The following C16orf95 variants were observed in gnomAD, a reference collection of about 807,000 sequenced individuals.
C16orf95 encodes the protein uncharacterized protein C16orf95.
Under a neutral mutation model 32.1 loss-of-function variants are expected in C16orf95, and 41 were observed. The ratio of observed to expected loss-of-function variants is 1.28; its 90% CI spans 1.00 to 1.66. C16orf95 has a LOEUF of 1.66. Ranked by LOEUF, C16orf95 falls within the 40% of genes most tolerant of loss-of-function variation. C16orf95 has a pLI of 0.00. For synonymous variants in C16orf95, 147 were observed against 128.9 expected (o/e 1.14, Z -0.95); for missense variants, 399 against 325.9 (o/e 1.22, Z -1.73).
intron 1 of C16orf95, among the ~76,000 whole-genome samples, chr16:87,316,541 C>T (rs771013751): frequency 5.3e-5 from 8 of 152,116 alleles, no homozygotes; most frequent in Admixed American, 2.0e-4. Context: ...AATAGGTTCA[C>T]GCATCAACTC....
intron 4 of C16orf95, among the ~76,000 whole-genome samples, chr16:87,310,889 C>A (rs1911252389): frequency 6.6e-6 from 1 of 152,146 alleles, no homozygotes; most frequent in African/African-American, 2.4e-5. Flanking sequence ...CCAGAACAAT[C>A]ACCCCTCTGC....
chr16:87,313,537 T>A (rs1324177927), intron 3 of C16orf95, among the ~76,000 whole-genome samples: 1 of 152,068 alleles, frequency 6.6e-6, no homozygotes, highest in Non-Finnish European at 1.5e-5. Context: ...TGTTTGAGAC[T>A]AGCCAGGGCA....
At chr16:87,308,542 G>T (rs1275345737) in intron 5 of C16orf95, among the ~76,000 whole-genome samples, 2 of 152,002 alleles carry the variant, frequency 1.3e-5, no homozygotes, top group African/African-American at 2.4e-5. Context: ...CCATTCTTTG[G>T]TCCTCCAGAA....
intron 3 of C16orf95, among the ~76,000 whole-genome samples, chr16:87,311,664 G>A (rs1021637322): frequency 6.6e-6 from 1 of 152,226 alleles, no homozygotes; most frequent in East Asian, 1.9e-4. Flanking sequence ...TCCCTGTGCC[G>A]CAGTGCTCTC....
At chr16:87,313,398 T>G (rs565518838) in intron 3 of C16orf95, among the ~76,000 whole-genome samples, 1 of 152,200 alleles carries the variant, frequency 6.6e-6, no homozygotes, top group Non-Finnish European at 1.5e-5. Context: ...TCCACTTGTA[T>G]GGCCATAAAG....
chr16:87,317,171 T>C lies in C16orf95; in HGVS notation c.72A>G (p.Ser24=). The change falls in exon 1 of 7, where the codon TCA becomes TCG. Residue 24 remains serine (S), a synonymous_variant. Coordinates refer to ENST00000567970, the MANE Select transcript of C16orf95 (RefSeq NM_001195124.3). ...HHHHEATGAA[S]GAAAGGPGAG... ...CGCCCGGCCCCCCGGCAGCAGCGCC[T>C]GAGGCTGCTCCAGTGGCCTCATGAT... is the stretch of plus-strand genomic sequence containing the variant. 6.6e-7 allele frequency: 1 copy of C among 1,526,348 alleles called. No homozygotes were observed. The highest frequency in any genetic ancestry group is 8.7e-7 in the Non-Finnish European group (1 of 1,143,114). 94.6% of individuals were successfully genotyped at this position (1,526,348 alleles called of 1,614,324 possible). A position where few individuals can be genotyped will look rare whatever the true frequency, so the allele number is the denominator to read the frequency against.
chr16:87,316,935 A>C (rs573102828), intron 1 of C16orf95, among the ~76,000 whole-genome samples, 156 bp downstream of exon 1: 1 of 152,310 alleles, frequency 6.6e-6, no homozygotes, highest in African/African-American at 2.4e-5. Context: ...AGTTATGTGG[A>C]ACCATCAGTT....
In C16orf95 at chr16:87,306,479, A is replaced by G. The variant is rs75325626; in HGVS notation, c.515-574T>C. Reference sequence around the variant, plus strand: ...TTTTTTATTACACTGTTAATATGCTACTAATATAAAATATACATTAATTAT... The same window carrying G: ...TTTTTTATTACACTGTTAATATGCTGCTAATATAAAATATACATTAATTAT... On this transcript the variant is annotated intron_variant, in intron 5 of 6. Coordinates refer to ENST00000567970, the MANE Select transcript of C16orf95 (RefSeq NM_001195124.3). 2.3e-3 allele frequency among the ~76,000 whole-genome samples: 350 copies of G among 152,252 alleles called. 2 individuals are homozygous for G. The highest frequency in any genetic ancestry group is 3.8e-3 in the Non-Finnish European group (258 of 68,026).
intron 5 of C16orf95, among the ~76,000 whole-genome samples, chr16:87,308,377 A>C (rs1054011096): frequency 3.3e-5 from 5 of 152,100 alleles, no homozygotes; most frequent in African/African-American, 1.2e-4. Context: ...GCTACTCAGG[A>C]GGCTGAGGAA....
At position 87,305,420 on chromosome 16, in the gene C16orf95, C is replaced by A. The variant is rs1910969250; in HGVS notation, c.701+299G>T. Among the ~76,000 whole-genome samples, 2 of 151,552 alleles carry A rather than the reference C, an allele frequency of 1.3e-5. No individual in the cohort carries two copies. The highest frequency in any genetic ancestry group is 2.4e-5 in the African/African-American group (1 of 41,310). On this transcript the variant is annotated intron_variant, in intron 6 of 6. Transcript: ENST00000567970. The surrounding 1 kb of genome is among the most constrained non-coding windows in gnomAD (Gnocchi z 4.2). ...ACATAACAATGAAAATTTATGGAAA[C>A]TGGGACCCGTGTCCTTCTGGGAGCA...
chr16:87,314,352 C>T (rs1429298912), intron 3 of C16orf95, among the ~76,000 whole-genome samples: 2 of 152,120 alleles, frequency 1.3e-5, no homozygotes, highest in African/African-American at 4.8e-5. Flanking sequence ...TATTGATGCC[C>T]ATGATCACAT....
chr16:87,305,151 C>CCCT lies in C16orf95; in HGVS notation c.701+567_701+568insAGG. 6.6e-6 allele frequency among the ~76,000 whole-genome samples: 1 copy of CCCT among 152,034 alleles called. No individual in the cohort carries two copies. The highest frequency in any genetic ancestry group is 3.4e-3 in the Middle Eastern group (1 of 294). On this transcript the variant is annotated intron_variant, in intron 6 of 6. Coordinates refer to ENST00000567970, the MANE Select transcript of C16orf95 (RefSeq NM_001195124.3). The surrounding 1 kb of genome is among the most constrained non-coding windows in gnomAD (Gnocchi z 4.2). ...CCAGCTGTGGCCCGGGGAGTGGCCC[C>CCCT]GGAGGCTTCCTGGGGGAGGTATCCC...
At chr16:87,313,437 G>C (rs1224226463) in intron 3 of C16orf95, among the ~76,000 whole-genome samples, 2 of 152,194 alleles carry the variant, frequency 1.3e-5, no homozygotes, top group African/African-American at 4.8e-5. Flanking sequence ...AATTTATTAA[G>C]AAAAGAGGCT....
intron 5 of C16orf95, among the ~76,000 whole-genome samples, chr16:87,309,550 A>C (rs539284996): frequency 1.3e-5 from 2 of 151,424 alleles, no homozygotes; most frequent in African/African-American, 4.9e-5. Flanking sequence ...CACCCAGCTA[A>C]TTTTTTGTAT....
intron 3 of C16orf95, among the ~76,000 whole-genome samples, 182 bp from the exon 4 acceptor site, chr16:87,311,478 C>G (rs114431279): frequency 0.016 from 2,413 of 152,340 alleles, 68 homozygotes; most frequent in African/African-American, 0.056. Flanking sequence ...GGACTGTGGT[C>G]TACCCTCTAC....
rs536404393 is a variant in C16orf95 at position 87,302,905 on chromosome 16, G to C, written c.*152C>G. 44 of 779,904 alleles carry C rather than the reference G, an allele frequency of 5.6e-5. No individual in the cohort carries two copies. The South Asian group carries it at 6.5e-4, about 12-fold the overall frequency. 48.3% of individuals were successfully genotyped at this position (779,904 alleles called of 1,614,324 possible). A position where few individuals can be genotyped will look rare whatever the true frequency, so the allele number is the denominator to read the frequency against. On this transcript the variant is annotated 3_prime_UTR_variant, in exon 7 of 7. Transcript: ENST00000567970. ...ACTTTGCTACAACCAAGAATCACCT[G>C]ATGAGAAATCATTTGGGTTGAATCC... is the stretch of plus-strand genomic sequence containing the variant.
intron 3 of C16orf95, among the ~76,000 whole-genome samples, chr16:87,314,053 G>T (rs1567605828): frequency 6.6e-6 from 1 of 152,130 alleles, no homozygotes; most frequent in Non-Finnish European, 1.5e-5. Context: ...GTGAGGAACT[G>T]GAACTTTAGA....
chr16:87,306,208 G>A (rs573235856), intron 5 of C16orf95: 14 of 228,796 alleles, frequency 6.1e-5, no homozygotes, highest in East Asian at 3.5e-4. Context: ...TTTTTGGAGC[G>A]GGAGTGGGTG....
intron 6 of C16orf95, among the ~76,000 whole-genome samples, chr16:87,303,813 G>A (rs991012212): frequency 3.3e-5 from 5 of 152,112 alleles, no homozygotes; most frequent in Admixed American, 6.5e-5. Flanking sequence ...CACTTCTGGG[G>A]AACTTCAAAA....
Sources: allele counts gnomAD v4.1 joint callset (sites outside exome capture counted in the v4.1 genomes callset), GRCh38; gene constraint gnomAD v4.1.1; non-coding constraint Gnocchi (gnomAD v3.1); transcripts MANE v1.5; gene names NCBI Gene and HGNC (gene_info 2026-07-23, HGNC 2026-07-21).